SPOP: variants seen among roughly 807,000 people sequenced by gnomAD.
SPOP encodes the protein speckle-type POZ protein.
In SPOP, 11 loss-of-function variants were observed where a neutral mutation model predicts 45.6. The ratio of observed to expected loss-of-function variants is 0.24; its 90% CI spans 0.15 to 0.40. The LOEUF (loss-of-function observed/expected upper bound fraction) is 0.40, where lower values mean the gene tolerates loss of function less well. SPOP is among the 10% of genes least tolerant of loss of function. The pLI is 1.00. For synonymous variants in SPOP, 166 were observed against 166.3 expected, an observed-to-expected ratio of 1.00 and a Z score of 0.01; for missense variants, 152 against 465.6, an observed-to-expected ratio of 0.33 and a Z score of 6.20.
chr17:49,659,149 C>T lies in SPOP; in HGVS notation c.-67+18784G>A, dbSNP rs533762386. Among the ~76,000 whole-genome samples, 18 of 152,290 alleles carry T rather than the reference C, an allele frequency of 1.2e-4. No homozygotes were observed. In the South Asian group the frequency reaches 3.7e-3, roughly 32 times the overall value. On this transcript the variant is annotated intron_variant, in intron 1 of 9. Transcript: ENST00000504102. ...GAGATCCTAACAGGTCAGAATAAATCTGGGGATGTTGCTATTTTCATAAAT... is the reference window on the plus strand; with the variant it reads ...GAGATCCTAACAGGTCAGAATAAATTTGGGGATGTTGCTATTTTCATAAAT...
intron 5 of SPOP, among the ~76,000 whole-genome samples, chr17:49,616,048 CTG>C (rs2072078810): frequency 6.6e-6 from 1 of 152,180 alleles, no homozygotes; most frequent in South Asian, 2.1e-4. Context: ...TAAAACATCA[CTG>C]AGAACTGAAA....
At chr17:49,603,182 G>C (rs957065855) in intron 8 of SPOP, among the ~76,000 whole-genome samples, 2 of 152,192 alleles carry the variant, frequency 1.3e-5, no homozygotes, top group African/African-American at 2.4e-5. Context: ...CAGCAAAAAA[G>C]AGAGGTTTTA....
At chr17:49,659,656 C>T (rs891601865) in intron 1 of SPOP, among the ~76,000 whole-genome samples, 1 of 152,164 alleles carries the variant, frequency 6.6e-6, no homozygotes, top group Admixed American at 6.5e-5. Context: ...TAGATACTTT[C>T]AAGACCATCA....
intron 1 of SPOP, among the ~76,000 whole-genome samples, chr17:49,643,587 A>G (rs889640368): frequency 3.3e-5 from 5 of 152,352 alleles, no homozygotes; most frequent in African/African-American, 9.6e-5. Context: ...TAAGAAGAAC[A>G]TGAACTGGAT....
chr17:49,656,616 C>A (rs754645440), intron 1 of SPOP, among the ~76,000 whole-genome samples: 11 of 152,174 alleles, frequency 7.2e-5, no homozygotes, highest in Non-Finnish European at 1.2e-4. Flanking sequence ...CTGAATACTA[C>A]CCTTCCAGGT....
rs143736992 is a variant in SPOP, at chr17:49,638,495, A to G, written c.-66-15619T>C. On this transcript the variant is annotated intron_variant, in intron 1 of 9. Coordinates refer to ENST00000504102, the MANE Select transcript of SPOP (RefSeq NM_001007228.2). The stretch of plus-strand genomic sequence containing the variant: ...TCCCAGCTACTGGGGAGGCTGAGGC[A>G]GGAAAATCACTTGAACCCCACAGTG... Among the ~76,000 whole-genome samples the G allele has an allele frequency of 9.2e-3, 1,403 of 152,038 alleles. 13 individuals carry two copies. Among genetic ancestry groups the G allele is most frequent in the Middle Eastern group, 0.02 (6 of 294 alleles).
intron 1 of SPOP, among the ~76,000 whole-genome samples, chr17:49,625,140 G>A (rs1384106048): frequency 6.6e-6 from 1 of 152,134 alleles, no homozygotes; most frequent in African/African-American, 2.4e-5. Context: ...GATCCTTTGA[G>A]AACTGCTGTC....
Position 49,599,580 on chromosome 17 carries a change from C to A in SPOP, c.*798G>T. ...AAAATCAGAGAAAAATGCCCAAAAA[C>A]ATTTTCCACAATATCTAAAAACAGA... On this transcript the variant is annotated 3_prime_UTR_variant, in exon 10 of 10. Coordinates refer to ENST00000504102, the MANE Select transcript of SPOP (RefSeq NM_001007228.2). The A allele has an allele frequency of 4.7e-6, 1 of 212,508 alleles. No homozygotes were observed. Among genetic ancestry groups the A allele is most frequent in the Non-Finnish European group, 9.5e-6 (1 of 105,630 alleles). The allele number at this position is 212,508 out of a possible 1,614,324, so 13.2% of individuals were successfully genotyped here.
At chr17:49,641,780 G>A (rs1363099734) in intron 1 of SPOP, among the ~76,000 whole-genome samples, 2 of 152,106 alleles carry the variant, frequency 1.3e-5, no homozygotes, top group Non-Finnish European at 2.9e-5. Flanking sequence ...CCAGCGCTTT[G>A]GGAGGCCGAG....
intron 1 of SPOP, among the ~76,000 whole-genome samples, chr17:49,653,306 C>T (rs2143498292): frequency 6.6e-6 from 1 of 152,068 alleles, no homozygotes; most frequent in Middle Eastern, 3.4e-3. Context: ...AAGTAAGTTT[C>T]CTTCTAGATT....
Position 49,600,108 on chromosome 17 carries a change from C to T in SPOP, c.*270G>A, listed in dbSNP as rs1355391422. 1 of 452,536 alleles carries T rather than the reference C, an allele frequency of 2.2e-6. No individual in the cohort carries two copies. Among genetic ancestry groups the T allele is most frequent in the Non-Finnish European group, 4.0e-6 (1 of 248,308 alleles). The allele number at this position is 452,536 out of a possible 1,614,324, so 28.0% of individuals were successfully genotyped here. ...TACCACCGCTGGGATATCCTCGGGC[C>T]AGCGCCTAAACTGAATCCCCACAGT... On this transcript the variant is annotated 3_prime_UTR_variant, in exon 10 of 10. Coordinates refer to ENST00000504102, the MANE Select transcript of SPOP (RefSeq NM_001007228.2). This position sits in a 1 kb window ranked among gnomAD's most constrained non-coding sequence, Gnocchi z 4.2.
At chr17:49,664,139 T>C (rs928387324) in intron 1 of SPOP, among the ~76,000 whole-genome samples, 1 of 152,250 alleles carries the variant, frequency 6.6e-6, no homozygotes, top group African/African-American at 2.4e-5. Context: ...TCAGATTTCA[T>C]ACTGCAACTT....
At chr17:49,658,420 A>C (rs934768923) in intron 1 of SPOP, among the ~76,000 whole-genome samples, 12 of 152,068 alleles carry the variant, frequency 7.9e-5, no homozygotes, top group Non-Finnish European at 1.5e-4. Flanking sequence ...CTTTTTAAGG[A>C]TTCATGTGGA....
rs2073227719 is a variant in SPOP, at chr17:49,678,019, G to A, written c.-153C>T. On this transcript the variant is annotated 5_prime_UTR_variant, in exon 1 of 10. Coordinates refer to ENST00000504102, the MANE Select transcript of SPOP (RefSeq NM_001007228.2). ...AACATCCGGGACCTGCGGGACCGCC[G>A]ATACACAAATACACACACACTCGGA... The A allele has an allele frequency of 7.5e-6, 3 of 399,102 alleles. No individual in the cohort carries two copies. The highest frequency in any genetic ancestry group is 4.4e-5 in the Admixed American group (1 of 22,642). The allele number at this position is 399,102 out of a possible 1,614,324, so 24.7% of individuals were successfully genotyped here.
chr17:49,604,599 G>A lies in SPOP; in HGVS notation c.838-2592C>T, dbSNP rs576898230. 4.6e-5 allele frequency among the ~76,000 whole-genome samples: 7 copies of A among 152,300 alleles called. No homozygotes were observed. In the South Asian group the frequency reaches 1.5e-3, roughly 32 times the overall value. On this transcript the variant is annotated intron_variant, in intron 8 of 9. Transcript: ENST00000504102. ...GTATTGCAGCATCACAGCAGGAAAA[G>A]GAGGTGCTTTTGGCAGATAACCCTC...
At chr17:49,669,216 G>A (rs1220329674) in intron 1 of SPOP, among the ~76,000 whole-genome samples, 3 of 151,424 alleles carry the variant, frequency 2.0e-5, no homozygotes, top group Non-Finnish European at 2.9e-5. Flanking sequence ...ACAGGCGCCC[G>A]CCATCATGCC....
At chr17:49,641,361 C>G (rs1449109733) in intron 1 of SPOP, among the ~76,000 whole-genome samples, 1 of 145,692 alleles carries the variant, frequency 6.9e-6, no homozygotes, top group Non-Finnish European at 1.5e-5. Context: ...CGCATAAAGT[C>G]ATCTACCATC....
chr17:49,642,924 A>G (rs1027380411), intron 1 of SPOP, among the ~76,000 whole-genome samples: 1 of 152,270 alleles, frequency 6.6e-6, no homozygotes, highest in Non-Finnish European at 1.5e-5. Context: ...CATCTATGTT[A>G]AAGTTGGCGT....
At chr17:49,652,513 A>G (rs1048536122) in intron 1 of SPOP, among the ~76,000 whole-genome samples, 1 of 152,202 alleles carries the variant, frequency 6.6e-6, no homozygotes, top group Non-Finnish European at 1.5e-5. Flanking sequence ...AAAAGACTCA[A>G]CTTAAAAGAG....
Sources: allele counts gnomAD v4.1 joint callset (sites outside exome capture counted in the v4.1 genomes callset), GRCh38; gene constraint gnomAD v4.1.1; non-coding constraint Gnocchi (gnomAD v3.1); transcripts MANE v1.5; gene names NCBI Gene and HGNC (gene_info 2026-07-23, HGNC 2026-07-21).